Variants in KLRG1 observed in about 807,000 individuals in gnomAD.
The protein encoded by KLRG1 is killer cell lectin-like receptor subfamily G member 1.
KLRG1 carries 16 observed loss-of-function variants against 21.8 expected under a neutral mutation model. The ratio of observed to expected loss-of-function variants is 0.73; its 90% confidence interval spans 0.50 to 1.11. The LOEUF is 1.11. Among genes scored for constraint, KLRG1 ranks in the 50% most tolerant of loss-of-function variants. The pLI, the probability that KLRG1 is intolerant of heterozygous loss-of-function variation, is 0.00. For synonymous variants in KLRG1, 69 were observed against 75.9 expected, an observed-to-expected ratio of 0.91 and a Z score of 0.47; for missense variants, 173 against 218.3, an observed-to-expected ratio of 0.79 and a Z score of 1.31.
chr12:9,095,527 T>G, the KLRG1 span: 1 of 1,606,704 alleles, frequency 6.2e-7, no homozygotes, highest in Non-Finnish European at 8.5e-7. Flanking sequence ...ATCTGCAACA[T>G]AAGGAGTTTA....
the KLRG1 span, chr12:9,194,224 A>C: frequency 6.2e-7 from 1 of 1,613,980 alleles, no homozygotes; most frequent in Admixed American, 1.7e-5. Flanking sequence ...CACCTTTTCC[A>C]TCCACCAGAA....
the KLRG1 span, among the ~76,000 whole-genome samples, chr12:9,050,758 A>G: frequency 6.6e-6 from 1 of 152,026 alleles, no homozygotes; most frequent in Admixed American, 6.5e-5. Context: ...CCCCCTTTCA[A>G]GTTGGCGAGG....
chr12:9,197,648 A>T, the KLRG1 span, among the ~76,000 whole-genome samples: 27 of 99,414 alleles, frequency 2.7e-4, 1 homozygote, highest in South Asian at 2.2e-3. Flanking sequence ...TATATTATAT[A>T]ATATAATATA....
the KLRG1 span, among the ~76,000 whole-genome samples, chr12:9,167,972 T>C: frequency 2.6e-5 from 4 of 152,216 alleles, no homozygotes; most frequent in Admixed American, 2.6e-4. Flanking sequence ...TGTGCTATCA[T>C]TGAAGGTATA....
the KLRG1 span, among the ~76,000 whole-genome samples, chr12:9,074,087 T>TAAAA: frequency 7.6e-6 from 1 of 131,588 alleles, no homozygotes; most frequent in Non-Finnish European, 1.6e-5. Context: ...GACTCTGTCT[T>TAAAA]AAAAAAAAAA....
the KLRG1 span, among the ~76,000 whole-genome samples, chr12:9,134,676 T>G: frequency 6.6e-6 from 1 of 152,222 alleles, no homozygotes; most frequent in African/African-American, 2.4e-5. Flanking sequence ...AGTATTTGTC[T>G]TTCTGTGACT....
At chr12:8,968,585 C>A (rs934093515) in intron 1 of KLRG1, among the ~76,000 whole-genome samples, 1 of 152,112 alleles carries the variant, frequency 6.6e-6, no homozygotes, top group African/African-American at 2.4e-5. Context: ...GGTATAGGAG[C>A]CTTGAACAGC....
At chr12:9,098,833 TC>T in the KLRG1 span, 31 of 1,515,154 alleles carry the variant, frequency 2.0e-5, no homozygotes, top group Admixed American at 3.8e-5. Context: ...TGCAGAGTGT[TC>T]CTCATGTACA....
At chr12:9,086,853 T>C in the KLRG1 span, among the ~76,000 whole-genome samples, 1 of 152,340 alleles carries the variant, frequency 6.6e-6, no homozygotes, top group South Asian at 2.1e-4. Context: ...AAATTTTCAC[T>C]GTTGGTGATG....
At chr12:8,975,716 A>G (rs935514836) in intron 1 of KLRG1, among the ~76,000 whole-genome samples, 23 of 151,996 alleles carry the variant, frequency 1.5e-4, no homozygotes, top group Non-Finnish European at 2.9e-4. Flanking sequence ...GGCATATACC[A>G]TCACACTGGC....
At chr12:9,130,879 C>T in the KLRG1 span, among the ~76,000 whole-genome samples, 1 of 152,068 alleles carries the variant, frequency 6.6e-6, no homozygotes. Context: ...TGACAAACCC[C>T]ATGTCATGAG....
chr12:9,197,918 A>G, the KLRG1 span, among the ~76,000 whole-genome samples: 9 of 128,570 alleles, frequency 7.0e-5, no homozygotes, highest in African/African-American at 2.7e-4. Flanking sequence ...TATATTATAT[A>G]TTATATAAGT....
At chr12:9,098,797 G>A in the KLRG1 span, 1 of 1,602,098 alleles carries the variant, frequency 6.2e-7, no homozygotes, top group South Asian at 1.1e-5. Flanking sequence ...CAAATTTCCA[G>A]GTTTACCCAT....
At chr12:8,986,503 A>G (rs1475114957), upstream of KLRG1, among the ~76,000 whole-genome samples, 1 of 151,440 alleles carries the variant, frequency 6.6e-6, no homozygotes, top group Non-Finnish European at 1.5e-5. Context: ...CAACACTGTC[A>G]TTTATTTTGT....
the KLRG1 span, among the ~76,000 whole-genome samples, chr12:9,186,025 C>T: frequency 2.6e-5 from 4 of 151,900 alleles, no homozygotes; most frequent in Non-Finnish European, 4.4e-5. Flanking sequence ...CCAGGATGGT[C>T]TCGATCTCCT....
the KLRG1 span, chr12:9,077,217 G>A: frequency 1.1e-6 from 1 of 929,100 alleles, no homozygotes; most frequent in Non-Finnish European, 1.6e-6. Flanking sequence ...TGTAGATCTG[G>A]GAAGCACTGG....
At chr12:9,163,464 A>G in the KLRG1 span, among the ~76,000 whole-genome samples, 2 of 147,214 alleles carry the variant, frequency 1.4e-5, no homozygotes, top group African/African-American at 5.0e-5. Flanking sequence ...AAAAAAAAAA[A>G]GGAAATTGCA....
chr12:9,201,210 T>C, the KLRG1 span: 4 of 1,322,618 alleles, frequency 3.0e-6, no homozygotes, highest in Middle Eastern at 1.9e-4. Context: ...CAACTGGGAG[T>C]AGGAGGAATT....
chr12:9,195,611 ATTTTTT>A, the KLRG1 span, among the ~76,000 whole-genome samples: 5 of 104,248 alleles, frequency 4.8e-5, no homozygotes, highest in African/African-American at 1.5e-4. Context: ...CCCACTGCTA[ATTTTTT>A]TTTTTTTTTT....
Sources: allele counts gnomAD v4.1 joint callset (sites outside exome capture counted in the v4.1 genomes callset), GRCh38; gene constraint gnomAD v4.1.1; transcripts MANE v1.5; gene names NCBI Gene and HGNC (gene_info 2026-07-23, HGNC 2026-07-21).